ZC3H12B: variants seen among roughly 807,000 people sequenced by gnomAD.
The protein encoded by ZC3H12B is probable ribonuclease ZC3H12B.
ZC3H12B carries 7 observed loss-of-function variants against 43.9 expected under a neutral mutation model. The observed-to-expected ratio is 0.16, with a 90% CI of 0.09 to 0.30. The LOEUF is 0.30. Among genes scored for constraint, ZC3H12B ranks in the 10% least tolerant of loss-of-function variants. The pLI, the probability that ZC3H12B is intolerant of heterozygous loss-of-function variation, is 1.00. For missense variants in ZC3H12B, 475 were observed against 670.2 expected (o/e 0.71, Z 3.22); for synonymous variants, 222 against 241.7 (o/e 0.92, Z 0.76).
intron 3 of ZC3H12B, among the ~76,000 whole-genome samples, chrX:65,449,279 G>A (rs1253590349): frequency 4.5e-5 from 5 of 110,591 alleles, no homozygotes; most frequent in Non-Finnish European, 9.5e-5. Context: ...AAACCTGCAC[G>A]TCCTGCACAT....
At chrX:65,070,411 G>GT in the ZC3H12B span, among the ~76,000 whole-genome samples, 4 of 109,938 alleles carry the variant, frequency 3.6e-5, no homozygotes, top group Non-Finnish European at 5.7e-5. Flanking sequence ...TATGTTTTTT[G>GT]TTTTTTTGTA....
the ZC3H12B span, among the ~76,000 whole-genome samples, chrX:65,072,434 G>T: frequency 8.9e-6 from 1 of 112,716 alleles, no homozygotes; most frequent in African/African-American, 3.2e-5. Context: ...GAAGGCTAGT[G>T]TGATAATTTG....
chrX:65,349,142 CAAA>C, the ZC3H12B span, among the ~76,000 whole-genome samples: 3 of 111,706 alleles, frequency 2.7e-5, no homozygotes, highest in Non-Finnish European at 3.8e-5. Flanking sequence ...TCAGCAAATG[CAAA>C]AGAATGGAAA....
chrX:65,364,164 T>C (rs1418871439), upstream of ZC3H12B, among the ~76,000 whole-genome samples: 1 of 110,910 alleles, frequency 9.0e-6, no homozygotes, highest in Non-Finnish European at 1.9e-5. Context: ...ATTCGAAATC[T>C]ATCATTGAGG....
chrX:65,480,992 T>G (rs2068056742), intron 3 of ZC3H12B, among the ~76,000 whole-genome samples: 1 of 111,826 alleles, frequency 8.9e-6, no homozygotes, highest in Non-Finnish European at 1.9e-5. Context: ...TTGCTTTTAG[T>G]AGAGTTCACA....
At chrX:65,301,525 A>G in the ZC3H12B span, among the ~76,000 whole-genome samples, 10 of 111,877 alleles carry the variant, frequency 8.9e-5, no homozygotes, top group African/African-American at 3.2e-4. Context: ...TCAGCCAAAA[A>G]AAAAAAGGAA....
At chrX:65,211,070 T>TAA in the ZC3H12B span, among the ~76,000 whole-genome samples, 199 of 28,216 alleles carry the variant, frequency 7.1e-3, no homozygotes, top group African/African-American at 0.017. Flanking sequence ...TAGAGTATAA[T>TAA]AAAAAAAAAA....
intron 1 of ZC3H12B, among the ~76,000 whole-genome samples, chrX:65,489,844 T>C (rs915986496): frequency 5.4e-5 from 6 of 111,960 alleles, no homozygotes; most frequent in African/African-American, 1.9e-4. Flanking sequence ...ATCAGGCCTG[T>C]CCCTCCTCCC....
the ZC3H12B span, among the ~76,000 whole-genome samples, chrX:65,126,304 A>C: frequency 9.0e-6 from 1 of 111,205 alleles, no homozygotes; most frequent in African/African-American, 3.3e-5. Context: ...CAGGAGGCTA[A>C]AGATAGGATC....
At chrX:65,077,959 G>A in the ZC3H12B span, among the ~76,000 whole-genome samples, 1 of 111,993 alleles carries the variant, frequency 8.9e-6, no homozygotes, top group Non-Finnish European at 1.9e-5. Context: ...GAGGAAGGTA[G>A]CATGGAAAAG....
exon 5 of ZC3H12B, chrX:65,501,950 A>G (rs748325864): frequency 8.3e-7 from 1 of 1,211,186 alleles, no homozygotes; most frequent in Non-Finnish European, 1.1e-6. Context: ...AGGGATGTCT[A>G]GTGCCAAAGG....
chrX:65,364,769 T>A (rs1236994125), upstream of ZC3H12B, among the ~76,000 whole-genome samples: 1 of 111,665 alleles, frequency 9.0e-6, no homozygotes, highest in African/African-American at 3.3e-5. Flanking sequence ...AAATCACTTC[T>A]CAGTATTTCA....
At chrX:65,383,364 A>C (rs1315908671) in intron 2 of ZC3H12B, among the ~76,000 whole-genome samples, 17 of 112,104 alleles carry the variant, frequency 1.5e-4, no homozygotes, top group Non-Finnish European at 3.2e-4. Flanking sequence ...AGGATTCCCT[A>C]TTTAATAAAT....
chrX:65,174,198 C>A, the ZC3H12B span, among the ~76,000 whole-genome samples: 1 of 111,815 alleles, frequency 8.9e-6, no homozygotes, highest in East Asian at 2.8e-4. Context: ...GGAGGTGTCT[C>A]CCAGTCAGGG....
chrX:65,100,714 A>G, the ZC3H12B span, among the ~76,000 whole-genome samples: 2 of 110,410 alleles, frequency 1.8e-5, no homozygotes, highest in African/African-American at 6.6e-5. Context: ...TCCTAAATAT[A>G]TATGCACCCA....
chrX:65,063,120 A>G, the ZC3H12B span, among the ~76,000 whole-genome samples: 1 of 111,775 alleles, frequency 8.9e-6, no homozygotes, highest in Non-Finnish European at 1.9e-5. Context: ...ACACAATCTG[A>G]CTTTTTTTCT....
At chrX:65,101,774 G>A in the ZC3H12B span, among the ~76,000 whole-genome samples, 1 of 111,749 alleles carries the variant, frequency 8.9e-6, no homozygotes, top group Non-Finnish European at 1.9e-5. Flanking sequence ...AAAAAGCCAG[G>A]ACCACATGGA....
chrX:65,386,464 T>A (rs2066527412), intron 2 of ZC3H12B, among the ~76,000 whole-genome samples: 1 of 112,009 alleles, frequency 8.9e-6, no homozygotes, highest in Non-Finnish European at 1.9e-5. Flanking sequence ...CTGATGGTAG[T>A]TTGTATTTCT....
chrX:65,182,214 G>C, the ZC3H12B span, among the ~76,000 whole-genome samples: 1 of 110,949 alleles, frequency 9.0e-6, no homozygotes, highest in Admixed American at 9.7e-5. Context: ...AGAACACATG[G>C]ACACAGGGAG....
Sources: allele counts gnomAD v4.1 joint callset (sites outside exome capture counted in the v4.1 genomes callset), GRCh38; gene constraint gnomAD v4.1.1; transcripts MANE v1.5; gene names NCBI Gene and HGNC (gene_info 2026-07-23, HGNC 2026-07-21).